The following EIF3CL variants were observed in gnomAD, a reference collection of about 807,000 sequenced individuals.
The protein encoded by EIF3CL is eukaryotic translation initiation factor 3 subunit C-like protein.
For missense variants in EIF3CL, 5 were observed against 56.1 expected (o/e 0.09, Z 2.91); for synonymous variants, 2 against 19.6 (o/e 0.10, Z 2.37).
the EIF3CL span, chr16:28,414,414 C>T: frequency 1.2e-5 from 4 of 324,148 alleles, no homozygotes; most frequent in East Asian, 8.7e-5. Flanking sequence ...AAAGAAAAGA[C>T]GGCTTTAGCA....
chr16:28,419,541 C>G, the EIF3CL span, among the ~76,000 whole-genome samples: 1 of 129,392 alleles, frequency 7.7e-6, no homozygotes, highest in Non-Finnish European at 1.6e-5. Flanking sequence ...AGCACCTGAC[C>G]ATCTATCTTT....
chr16:28,418,515 A>G, the EIF3CL span, among the ~76,000 whole-genome samples: 1 of 132,162 alleles, frequency 7.6e-6, no homozygotes, highest in South Asian at 2.3e-4. Flanking sequence ...CTGCTGTCTA[A>G]AGATACCACA....
At chr16:28,392,620 C>A (rs2045640612) in intron 8 of EIF3CL, among the ~76,000 whole-genome samples, 2 of 119,188 alleles carry the variant, frequency 1.7e-5, no homozygotes, top group South Asian at 2.4e-4. Flanking sequence ...CAAAACAAAA[C>A]AAAACAAAAA....
chr16:28,422,695 G>A, the EIF3CL span, among the ~76,000 whole-genome samples: 9 of 145,420 alleles, frequency 6.2e-5, no homozygotes, highest in South Asian at 1.9e-3. Flanking sequence ...AAATTAGCCA[G>A]GTGTGGTGGC....
chr16:28,386,344 C>A, intron 15 of EIF3CL, among the ~76,000 whole-genome samples: 1 of 26,030 alleles, frequency 3.8e-5, no homozygotes, highest in Non-Finnish European at 7.0e-5. Context: ...TTTATTATTT[C>A]ATGAAAGATA....
the EIF3CL span, among the ~76,000 whole-genome samples, chr16:28,417,901 G>A: frequency 7.2e-6 from 1 of 138,964 alleles, no homozygotes. Context: ...AAATTAGCCA[G>A]GCGTGGTGGC....
the EIF3CL span, among the ~76,000 whole-genome samples, chr16:28,410,930 A>G: frequency 1.6e-5 from 2 of 127,448 alleles, no homozygotes; most frequent in Non-Finnish European, 3.4e-5. Flanking sequence ...CTTCATATAA[A>G]TAGAATCATA....
the EIF3CL span, among the ~76,000 whole-genome samples, chr16:28,415,937 G>C: frequency 1.2e-5 from 1 of 85,928 alleles, no homozygotes; most frequent in South Asian, 3.3e-4. Flanking sequence ...CTGCCATCTC[G>C]GCTCACTGCA....
the EIF3CL span, among the ~76,000 whole-genome samples, chr16:28,418,743 C>T: frequency 6.6e-6 from 1 of 151,486 alleles, no homozygotes; most frequent in Non-Finnish European, 1.5e-5. Flanking sequence ...GATTCTCCTG[C>T]CTCAGCATCC....
chr16:28,416,937 C>T, the EIF3CL span, among the ~76,000 whole-genome samples: 2 of 91,552 alleles, frequency 2.2e-5, no homozygotes, highest in African/African-American at 4.2e-5. Flanking sequence ...AGGTGAGGGG[C>T]GCCTCTGCCC....
the EIF3CL span, among the ~76,000 whole-genome samples, chr16:28,412,672 TCCAAGTACAG>T: frequency 1.5e-5 from 1 of 65,092 alleles, no homozygotes; most frequent in African/African-American, 6.4e-5. Flanking sequence ...AAAGGAATTG[TCCAAGTACAG>T]CTCTTGGTAA....
the EIF3CL span, among the ~76,000 whole-genome samples, chr16:28,422,598 C>T: frequency 1.3e-4 from 18 of 141,438 alleles, no homozygotes; most frequent in East Asian, 2.0e-4. Context: ...TCTGGGAGGC[C>T]GAAGCAGGTG....
the EIF3CL span, among the ~76,000 whole-genome samples, chr16:28,415,813 TCTTCCTCTCC>T: frequency 1.4e-5 from 1 of 73,826 alleles, no homozygotes; most frequent in Admixed American, 1.5e-4. Context: ...TCCCTCTCCC[TCTTCCTCTCC>T]CTCTCCCTCT....
At chr16:28,418,638 C>T in the EIF3CL span, among the ~76,000 whole-genome samples, 1 of 137,514 alleles carries the variant, frequency 7.3e-6, no homozygotes, top group Non-Finnish European at 1.6e-5. Context: ...CCATTCAAGT[C>T]TTTTTTTTTT....
chr16:28,424,093 T>C, the EIF3CL span, among the ~76,000 whole-genome samples: 338 of 147,688 alleles, frequency 2.3e-3, no homozygotes, highest in African/African-American at 8.0e-3. Context: ...GTTCACGCCA[T>C]TCTCCTGCCT....
chr16:28,416,770 C>A, the EIF3CL span, among the ~76,000 whole-genome samples: 1 of 114,868 alleles, frequency 8.7e-6, no homozygotes, highest in Non-Finnish European at 1.9e-5. Flanking sequence ...GGGTCAGCCC[C>A]CCCACCCGGC....
chr16:28,419,239 C>T, the EIF3CL span, among the ~76,000 whole-genome samples: 4 of 151,010 alleles, frequency 2.6e-5, no homozygotes, highest in African/African-American at 2.5e-5. Context: ...ATCTCCTGAC[C>T]TCGTGATCCG....
At chr16:28,405,313 T>TA (rs547080254), upstream of EIF3CL, among the ~76,000 whole-genome samples, 16 of 9,120 alleles carry the variant, frequency 1.8e-3, no homozygotes, top group South Asian at 5.2e-3. Context: ...AAAAAAAAGT[T>TA]AAAAAAAAAA....
intron 15 of EIF3CL, among the ~76,000 whole-genome samples, chr16:28,385,417 G>A (rs1285999022): frequency 1.7e-5 from 2 of 120,642 alleles, no homozygotes; most frequent in East Asian, 2.6e-4. Flanking sequence ...CTGCAGCCTC[G>A]ACCTCCTGAG....
Sources: allele counts gnomAD v4.1 joint callset (sites outside exome capture counted in the v4.1 genomes callset), GRCh38; gene constraint gnomAD v4.1.1; transcripts MANE v1.5; gene names NCBI Gene and HGNC (gene_info 2026-07-23, HGNC 2026-07-21).